Variants in MCFD2 observed in about 807,000 individuals in gnomAD.
The protein encoded by MCFD2 is multiple coagulation factor deficiency 2, ER cargo receptor complex subunit, also known as multiple coagulation factor deficiency protein 2.
MCFD2 carries 11 observed loss-of-function variants against 12.8 expected under a neutral mutation model. The observed-to-expected ratio is 0.86, with a 90% CI of 0.54 to 1.42. MCFD2 has a LOEUF of 1.42. Among genes scored for constraint, MCFD2 ranks in the 40% most tolerant of loss-of-function variants. The probability of loss-of-function intolerance (pLI) is 0.00; values close to 1 mark genes in which losing one functional copy is unlikely to be tolerated. For missense variants in MCFD2, 191 were observed against 178.6 expected, an observed-to-expected ratio of 1.07 and a Z score of -0.40; for synonymous variants, 70 against 68.1, an observed-to-expected ratio of 1.03 and a Z score of -0.14.
At chr2:46,913,255 A>G (rs536002320) in intron 1 of MCFD2, among the ~76,000 whole-genome samples, 1 of 152,288 alleles carries the variant, frequency 6.6e-6, no homozygotes, top group African/African-American at 2.4e-5. Context: ...TACACTGAAA[A>G]CAGGGAATCG....
At chr2:46,915,830 C>G (rs1489950753), upstream of MCFD2, 1 of 626,980 alleles carries the variant, frequency 1.6e-6, no homozygotes, top group Non-Finnish European at 2.0e-6. Context: ...CCCCCCCCGA[C>G]CTGCCCTGCG....
rs1161003607 is a variant in MCFD2, at chr2:46,934,787, C to CTTTT, written c.-8+6781_-8+6784dup. On this transcript the variant is annotated intron_variant, in intron 1 of 2. Coordinates refer to the MCFD2 transcript ENST00000409147. Reference sequence around the variant, plus strand: ...GGAATAAGGTATGAAGACTACTGCTCTTTTTTTTTTTTTTTTTTTTTTTTT... The same window carrying CTTTT: ...GGAATAAGGTATGAAGACTACTGCTCTTTTTTTTTTTTTTTTTTTTTTTTTTTTT... Among the ~76,000 whole-genome samples, 134 of 66,904 alleles carry CTTTT rather than the reference C, an allele frequency of 2.0e-3. 13 individuals carry two copies. The highest frequency in any genetic ancestry group is 7.4e-3 in the African/African-American group (114 of 15,418). 43.9% of individuals were successfully genotyped at this position (66,904 alleles called of 152,430 possible).
At chr2:46,938,019 G>T (rs1182214672) in intron 1 of MCFD2, among the ~76,000 whole-genome samples, 2 of 152,076 alleles carry the variant, frequency 1.3e-5, no homozygotes, top group African/African-American at 4.8e-5. Context: ...TTGAAGCAGA[G>T]GTGATGGGAC....
At chr2:46,924,313 C>G (rs1018863928) in intron 1 of MCFD2, among the ~76,000 whole-genome samples, 3 of 151,610 alleles carry the variant, frequency 2.0e-5, no homozygotes, top group African/African-American at 7.3e-5. Context: ...ATCAGCTCAT[C>G]AACATTCTTC....
chr2:46,916,162 A>G (rs1572625233), upstream of MCFD2: 3 of 985,480 alleles, frequency 3.0e-6, no homozygotes, highest in Non-Finnish European at 3.6e-6. Context: ...ACCCCCTCCT[A>G]TACAGGGCTC....
At chr2:46,917,165 T>G (rs1668848025), upstream of MCFD2, 1 of 700,908 alleles carries the variant, frequency 1.4e-6, no homozygotes, top group Admixed American at 2.0e-5. Flanking sequence ...ATCCCTAATT[T>G]TTTTTTCTTT....
chr2:46,909,888 AG>A (rs1427828557), intron 1 of MCFD2, among the ~76,000 whole-genome samples: 2 of 152,166 alleles, frequency 1.3e-5, no homozygotes, highest in Non-Finnish European at 2.9e-5. Context: ...CATGAATGGG[AG>A]GTGAGATCAG....
intron 1 of MCFD2, among the ~76,000 whole-genome samples, chr2:46,934,984 A>G (rs1363359606): frequency 6.6e-6 from 1 of 151,702 alleles, no homozygotes; most frequent in Non-Finnish European, 1.5e-5. Context: ...TATTTTTAGT[A>G]GAGACAGGGT....
intron 1 of MCFD2, among the ~76,000 whole-genome samples, chr2:46,936,465 C>T (rs1195537612): frequency 1.3e-5 from 2 of 152,108 alleles, no homozygotes; most frequent in African/African-American, 4.8e-5. Flanking sequence ...CCTCTGTCTG[C>T]TGGGAACTGT....
At chr2:46,909,305 C>G (rs939255788) in intron 1 of MCFD2, 128 bp from the exon 2 acceptor site, 2 of 1,082,354 alleles carry the variant, frequency 1.8e-6, no homozygotes, top group Non-Finnish European at 2.7e-6. Context: ...TTGTCAAACA[C>G]GGCCCAATGC....
upstream of MCFD2, among the ~76,000 whole-genome samples, chr2:46,920,673 T>G (rs1025790117): frequency 1.3e-5 from 2 of 151,956 alleles, no homozygotes; most frequent in Admixed American, 6.6e-5. Context: ...ATAGATAAAT[T>G]TATCAAAAAT....
chr2:46,911,673 G>C (rs1558464060), intron 1 of MCFD2, among the ~76,000 whole-genome samples: 1 of 151,844 alleles, frequency 6.6e-6, no homozygotes, highest in African/African-American at 2.4e-5. Context: ...TGTAATCCCA[G>C]CACTTTGGGA....
chr2:46,941,364 GTGC>G lies in MCFD2; in HGVS notation c.-8+205_-8+207del, dbSNP rs997844606. 1.5e-3 allele frequency: 565 copies of G among 381,256 alleles called. No individual in the cohort carries two copies. Among genetic ancestry groups the G allele is most frequent in the East Asian group, 3.9e-3 (48 of 12,232 alleles). 23.6% of individuals were successfully genotyped at this position (381,256 alleles called of 1,614,324 possible). On this transcript the variant is annotated intron_variant, in intron 1 of 2. Transcript: ENST00000409147. The surrounding 1 kb of genome is among the most constrained non-coding windows in gnomAD (Gnocchi z 4.2). ...CCGGGCGGTGCGCTGGGAGCTGCTG[GTGC>G]TGCTGCTGCTGCTGCTGCCCACCCT... is the stretch of plus-strand genomic sequence containing the variant.
At chr2:46,915,340 C>A (rs1324177149) in intron 1 of MCFD2, among the ~76,000 whole-genome samples, 1 of 152,208 alleles carries the variant, frequency 6.6e-6, no homozygotes, top group Non-Finnish European at 1.5e-5. Context: ...CCGGGCCCGA[C>A]AGGACCTGTG....
intron 1 of MCFD2, among the ~76,000 whole-genome samples, chr2:46,913,234 C>A (rs938387217): frequency 2.6e-5 from 4 of 152,040 alleles, no homozygotes; most frequent in African/African-American, 9.7e-5. Context: ...AAAAAAAATT[C>A]CTCCAAGTGG....
chr2:46,903,758 T>A lies in MCFD2; in HGVS notation c.*1705A>T, dbSNP rs1445107516. 1 of 152,188 alleles carries A rather than the reference T, an allele frequency of 6.6e-6. No individual in the cohort carries two copies. Among genetic ancestry groups the A allele is most frequent in the African/African-American group, 2.4e-5 (1 of 41,434 alleles). 9.4% of individuals were successfully genotyped at this position (152,188 alleles called of 1,614,324 possible). A position where few individuals can be genotyped will look rare whatever the true frequency, so the allele number is the denominator to read the frequency against. On this transcript the variant is annotated 3_prime_UTR_variant, in exon 4 of 4. Coordinates refer to ENST00000319466, the MANE Select transcript of MCFD2 (RefSeq NM_139279.6). ...CAAAGTGTTCAACAGGTGACTTGGG[T>A]GCTTTTAAAGGCATTCCCTTATAAA...
Sources: allele counts gnomAD v4.1 joint callset (sites outside exome capture counted in the v4.1 genomes callset), GRCh38; gene constraint gnomAD v4.1.1; non-coding constraint Gnocchi (gnomAD v3.1); transcripts MANE v1.5; gene names NCBI Gene and HGNC (gene_info 2026-07-23, HGNC 2026-07-21).